The following FBN2 variants were observed in gnomAD, a reference collection of about 807,000 sequenced individuals.
FBN2 encodes fibrillin 2, also known as fibrillin-2.
FBN2 carries 105 observed loss-of-function variants against 355.6 expected under a neutral mutation model. The observed-to-expected ratio is 0.30, with a 90% CI of 0.25 to 0.35. The LOEUF is 0.35. Ranked by LOEUF, FBN2 falls within the 10% of genes least tolerant of loss-of-function variation. The probability of loss-of-function intolerance (pLI) is 1.00; values close to 1 mark genes in which losing one functional copy is unlikely to be tolerated. For missense variants in FBN2, 3,280 were observed against 3,758.7 expected (o/e 0.87, Z 3.33); for synonymous variants, 1,350 against 1,301.2 (o/e 1.04, Z -0.81).
intron 14 of FBN2, among the ~76,000 whole-genome samples, chr5:128,375,827 T>C (rs947445528): frequency 1.3e-5 from 2 of 151,958 alleles, no homozygotes; most frequent in East Asian, 1.9e-4. Context: ...CTTGAGCCCA[T>C]GAGTTTGAGA....
At chr5:128,395,415 T>C (rs1163327269) in intron 8 of FBN2, 141 bp from the exon 9 acceptor site, 1 of 919,102 alleles carries the variant, frequency 1.1e-6, no homozygotes, top group Non-Finnish European at 1.7e-6. Context: ...ACTCTCTTAA[T>C]ATCTCAGACA....
intron 15 of FBN2, among the ~76,000 whole-genome samples, chr5:128,370,212 T>A (rs1030495034): frequency 9.2e-5 from 14 of 152,300 alleles, no homozygotes; most frequent in Non-Finnish European, 7.4e-5. Context: ...AATGGTGAAC[T>A]ATAAAAAACT....
intron 45 of FBN2, 54 bp downstream of exon 45, chr5:128,304,903 C>A: frequency 6.2e-7 from 1 of 1,611,348 alleles, no homozygotes; most frequent in Non-Finnish European, 8.5e-7. Flanking sequence ...GAACTGTGAT[C>A]TGTTCTGGAA....
In FBN2 at chr5:128,472,611, G is replaced by A. The variant is rs536753551; in HGVS notation, c.629-7690C>T. ...GTTTGAGACCAGCCTGACCAACATGGAGAAACCCCATCTCTACTAAAAATA... is the reference window on the plus strand; with the variant it reads ...GTTTGAGACCAGCCTGACCAACATGAAGAAACCCCATCTCTACTAAAAATA... On this transcript the variant is annotated intron_variant, in intron 5 of 64. Coordinates refer to ENST00000262464, the MANE Select transcript of FBN2 (RefSeq NM_001999.4). Among the ~76,000 whole-genome samples, 5 of 152,112 alleles carry A rather than the reference G, an allele frequency of 3.3e-5. No individual in the cohort carries two copies. The South Asian group carries it at 6.2e-4, about 19-fold the overall frequency.
At chr5:128,527,051 C>T (rs970052713) in intron 4 of FBN2, among the ~76,000 whole-genome samples, 5 of 152,168 alleles carry the variant, frequency 3.3e-5, no homozygotes, top group Admixed American at 2.6e-4. Flanking sequence ...TTAGCAGGAA[C>T]GTATAGTCTA....
At position 128,398,830 on chromosome 5, in the gene FBN2, A is replaced by G. The variant is rs577051688; in HGVS notation, c.1079-3556T>C. Among the ~76,000 whole-genome samples the G allele has an allele frequency of 8.5e-5, 13 of 152,270 alleles. No homozygotes were observed. The South Asian group carries it at 1.7e-3, about 19-fold the overall frequency. On this transcript the variant is annotated intron_variant, in intron 8 of 64. Transcript: ENST00000262464. ...TCCTGTGCTGTTCTTGTGATAGTGA[A>G]TAAGTCTCAAGAGATCTGATAGTTT...
At chr5:128,278,029 A>T (rs374605626) in intron 57 of FBN2, 24 bp from the exon 58 acceptor site, 1 of 1,613,496 alleles carries the variant, frequency 6.2e-7, no homozygotes, top group Admixed American at 1.7e-5. Context: ...CAACAAAAAC[A>T]ATCAGGAGTT....
intron 20 of FBN2, 105 bp downstream of exon 20, chr5:128,357,171 C>A (rs2126931192): frequency 1.4e-6 from 2 of 1,414,982 alleles, no homozygotes; most frequent in South Asian, 1.2e-5. Context: ...ATGTGTAATT[C>A]TTTGCTTTTT....
intron 6 of FBN2, among the ~76,000 whole-genome samples, chr5:128,463,934 C>T (rs1332929665): frequency 2.6e-5 from 4 of 152,076 alleles, no homozygotes; most frequent in Non-Finnish European, 4.4e-5. Context: ...TACTGCTATG[C>T]AATATGAAGG....
chr5:128,497,880 ATACT>A (rs1444948372), intron 5 of FBN2, among the ~76,000 whole-genome samples: 1 of 152,228 alleles, frequency 6.6e-6, no homozygotes, highest in Admixed American at 6.5e-5. Flanking sequence ...ATGCCAGAAC[ATACT>A]TAGTGAAATA....
At chr5:128,447,479 C>T (rs971308183) in intron 6 of FBN2, among the ~76,000 whole-genome samples, 2 of 152,110 alleles carry the variant, frequency 1.3e-5, no homozygotes, top group East Asian at 1.9e-4. Context: ...GTACTATGTA[C>T]CAGGATGAGG....
intron 4 of FBN2, among the ~76,000 whole-genome samples, chr5:128,524,992 A>C (rs1756525900): frequency 6.6e-6 from 1 of 152,120 alleles, no homozygotes; most frequent in African/African-American, 2.4e-5. Context: ...TTAGAAGCGG[A>C]AAGTCCTTTC....
intron 5 of FBN2, among the ~76,000 whole-genome samples, chr5:128,505,005 C>A (rs1427670330): frequency 6.6e-6 from 1 of 152,194 alleles, no homozygotes; most frequent in Non-Finnish European, 1.5e-5. Context: ...ATAAGTCTCA[C>A]AAGATCTGAT....
intron 12 of FBN2, 131 bp from the exon 13 acceptor site, chr5:128,378,008 G>GTTTTTTT: frequency 8.2e-5 from 42 of 509,348 alleles, no homozygotes; most frequent in Middle Eastern, 5.6e-4. Context: ...TCTCTCAGCA[G>GTTTTTTT]TTTTTTTTTT....
intron 5 of FBN2, among the ~76,000 whole-genome samples, chr5:128,497,470 A>G (rs1365787051): frequency 1.3e-5 from 2 of 152,320 alleles, no homozygotes; most frequent in East Asian, 3.9e-4. Context: ...GTGGTTAAGT[A>G]ATTTTAGGGA....
At chr5:128,343,435 G>A (rs548172936) in intron 25 of FBN2, among the ~76,000 whole-genome samples, 1 of 152,276 alleles carries the variant, frequency 6.6e-6, no homozygotes, top group African/African-American at 2.4e-5. Flanking sequence ...CCTTGGCTGA[G>A]GAGGCACAGG....
intron 25 of FBN2, among the ~76,000 whole-genome samples, chr5:128,341,691 G>A (rs1447868214): frequency 1.3e-5 from 2 of 152,160 alleles, no homozygotes; most frequent in Non-Finnish European, 2.9e-5. Flanking sequence ...CAGTGGGACT[G>A]CATCATAGCC....
chr5:128,340,823 C>T (rs1750995168), intron 25 of FBN2, among the ~76,000 whole-genome samples: 2 of 150,058 alleles, frequency 1.3e-5, no homozygotes, highest in African/African-American at 4.9e-5. Flanking sequence ...CTCTCCCTCT[C>T]TCTCTCTCTC....
intron 46 of FBN2, among the ~76,000 whole-genome samples, chr5:128,302,403 C>T (rs971413975): frequency 6.6e-6 from 1 of 152,196 alleles, no homozygotes; most frequent in Admixed American, 6.5e-5. Flanking sequence ...TTCCATTTCA[C>T]ATTTGTGTGT....
Sources: allele counts gnomAD v4.1 joint callset (sites outside exome capture counted in the v4.1 genomes callset), GRCh38; gene constraint gnomAD v4.1.1; transcripts MANE v1.5; gene names NCBI Gene and HGNC (gene_info 2026-07-23, HGNC 2026-07-21).